The following RPL7 variants were observed in gnomAD, a reference collection of about 807,000 sequenced individuals.
The protein encoded by RPL7 is ribosomal protein L7.
For missense variants in RPL7, 205 were observed against 301.9 expected (o/e 0.68, Z 2.38); for synonymous variants, 100 against 102.2 (o/e 0.98, Z 0.13).
At chr8:73,293,545 G>A (rs1814165318) in intron 1 of RPL7, 54 bp downstream of exon 1, 17 of 1,607,122 alleles carry the variant, frequency 1.1e-5, no homozygotes, top group African/African-American at 2.7e-5. Flanking sequence ...GACACAAAAA[G>A]TATCTGGCTC....
At chr8:73,293,175 A>G (rs1209066088) in intron 1 of RPL7, 1 of 229,420 alleles carries the variant, frequency 4.4e-6, no homozygotes, top group Admixed American at 5.4e-5. Flanking sequence ...CGCAAAAATT[A>G]AAAAATAAAA....
intron 5 of RPL7, 65 bp downstream of exon 5, chr8:73,291,487 G>T: frequency 8.5e-7 from 1 of 1,174,716 alleles, no homozygotes; most frequent in South Asian, 1.4e-5. Flanking sequence ...AGAAATGTAC[G>T]GCCACAAGAG....
At chr8:73,291,966 A>C in intron 3 of RPL7, 56 bp from the exon 4 acceptor site, 1 of 1,592,090 alleles carries the variant, frequency 6.3e-7, no homozygotes, top group South Asian at 1.1e-5. Context: ...TTTTATTAAT[A>C]CTAACCATTA....
chr8:73,292,788 C>T lies in RPL7; in HGVS notation c.24G>A (p.Lys8=), dbSNP rs1167272619. The change falls in exon 2 of 7, where the codon AAG becomes AAA. Residue 8 remains lysine (K), a synonymous_variant. Transcript: ENST00000352983. MEGVEEK[K]KEVPAVPETL... ...TTTCTGGCACAGCAGGAACCTCCTT[C>T]TTCTTCTCTCTAACGTTAATAAACA... 2 of 1,607,456 alleles carry T rather than the reference C, an allele frequency of 1.2e-6. No individual in the cohort carries two copies. Among genetic ancestry groups the T allele is most frequent in the Admixed American group, 1.7e-5 (1 of 58,540 alleles).
intron 3 of RPL7, 133 bp from the exon 4 acceptor site, chr8:73,292,043 T>G (rs917231483): frequency 2.5e-5 from 33 of 1,295,696 alleles, no homozygotes; most frequent in Non-Finnish European, 3.6e-5. Flanking sequence ...TGAATTTCTG[T>G]ATTCTATTAA....
rs780374683 is a variant in RPL7 at position 73,291,754 on chromosome 8, A to G, written c.428+19T>C. ...TAACCAATTTATCAAATAGAAATCA[A>G]AGGAGAAAAGAGACTTACCCCCATG... On this transcript the variant is annotated intron_variant, in intron 4 of 6. Transcript: ENST00000352983. 6.3e-7 allele frequency: 1 copy of G among 1,595,754 alleles called. No homozygotes were observed. Among genetic ancestry groups the G allele is most frequent in the South Asian group, 1.1e-5 (1 of 90,358 alleles).
Position 73,292,303 on chromosome 8 carries a change from T to C in RPL7, c.226A>G (p.Arg76Gly). ...RTEIRMARMA[R>G]KAGNFYVPAE... ...GGTACATAGAAGTTGCCAGCTTTTC[T>C]TGCCATCCTCGCCATTCGAATTTCA... is the stretch of plus-strand genomic sequence containing the variant. Residue 76 changes from arginine to glycine, a missense_variant, in exon 3 of 7, where the codon AGA (arginine) becomes GGA (glycine). By Grantham distance (125) the Arg-to-Gly change is moderately radical (BLOSUM62 -2). Coordinates refer to ENST00000352983, the MANE Select transcript of RPL7 (RefSeq NM_000971.4). 6.2e-7 allele frequency: 1 copy of C among 1,612,180 alleles called. No homozygotes were observed. The highest frequency in any genetic ancestry group is 1.3e-5 in the African/African-American group (1 of 75,006).
Position 73,293,621 on chromosome 8 carries a change from C to T in RPL7, c.-9G>A. ...CACTCTACACCCTCCATGGTTCCAG[C>T]CGGAAAAAGAGGAAGTTGGCGCATG... On this transcript the variant is annotated 5_prime_UTR_variant, in exon 1 of 7. Transcript: ENST00000352983. The T allele has an allele frequency of 3.7e-6, 6 of 1,613,580 alleles. No homozygotes were observed. Among genetic ancestry groups the T allele is most frequent in the Non-Finnish European group, 5.1e-6 (6 of 1,179,754 alleles).
rs1814070162 is a variant in RPL7, at chr8:73,290,420, A to C, written c.*287T>G. On this transcript the variant is annotated 3_prime_UTR_variant, in exon 7 of 7. Transcript: ENST00000352983. ...CTTTCTTAGAATAAACCCATTTCGA[A>C]TCACTCAGCACAGTTAAAAAACAAA... The C allele has an allele frequency of 6.6e-6, 1 of 152,238 alleles. No homozygotes were observed. Among genetic ancestry groups the C allele is most frequent in the African/African-American group, 2.4e-5 (1 of 41,460 alleles). The allele number at this position is 152,238 out of a possible 1,614,324, so 9.4% of individuals were successfully genotyped here. A position where few individuals can be genotyped will look rare whatever the true frequency, so the allele number is the denominator to read the frequency against.
chr8:73,291,246 T>C lies in RPL7; in HGVS notation c.545A>G (p.Tyr182Cys). 4 of 1,606,424 alleles carry C rather than the reference T, an allele frequency of 2.5e-6. No homozygotes were observed. Among genetic ancestry groups the C allele is most frequent in the Non-Finnish European group, 3.4e-6 (4 of 1,176,070 alleles). Residue 182 changes from tyrosine (Y) to cysteine (C), a missense_variant, in exon 6 of 7, where the codon TAC (tyrosine) becomes TGC (cysteine). Tyr to Cys is a radical substitution (Grantham distance 194). Coordinates refer to ENST00000352983, the MANE Select transcript of RPL7 (RefSeq NM_000971.4). ...CAAATCCTCCATGCAGATGATGCCG[T>C]ATTTACCTAAATATTTTAAGGTTAT... is the stretch of plus-strand genomic sequence containing the variant. ...NALIARSLGK[Y>C]GIICMEDLIH...
intron 3 of RPL7, 47 bp downstream of exon 3, chr8:73,292,188 GTTTT>G: frequency 3.9e-6 from 5 of 1,283,490 alleles, no homozygotes; most frequent in Non-Finnish European, 5.4e-6. Context: ...TAATGTGAAG[GTTTT>G]TTTTTTTTTT....
chr8:73,293,636 G>C (rs752800101), upstream of RPL7: 16 of 1,613,380 alleles, frequency 9.9e-6, no homozygotes, highest in Middle Eastern at 3.3e-4. Context: ...AAAAGAGGAA[G>C]TTGGCGCATG....
In RPL7 at chr8:73,291,129, T is replaced by A; in HGVS notation, c.662A>T (p.Lys221Met). The A allele has an allele frequency of 1.2e-6, 2 of 1,608,406 alleles. No homozygotes were observed. Among genetic ancestry groups the A allele is most frequent in the Non-Finnish European group, 1.7e-6 (2 of 1,175,496 alleles). ...TTCTACAAAATGGGTGGTCTTTTTC[T>A]TCATTCCACCTCGTGGAGAAGACAA... The part of the protein sequence containing the change: ...FKLSSPRGGM[K>M]KKTTHFVEGG... The change falls in exon 6 of 7, where the codon AAG (lysine) becomes ATG (methionine). Residue 221 changes from lysine (K) to methionine (M), a missense_variant. Transcript: ENST00000352983.
In RPL7 at chr8:73,291,927, C is replaced by A. The variant is rs1814106887; in HGVS notation, c.291-17G>T. 6.2e-7 allele frequency: 1 copy of A among 1,604,670 alleles called. No homozygotes were observed. Among genetic ancestry groups the A allele is most frequent in the Non-Finnish European group, 8.5e-7 (1 of 1,172,266 alleles). On this transcript the variant is annotated splice_polypyrimidine_tract_variant and intron_variant, in intron 3 of 6. Transcript: ENST00000352983. ...CCATTGATACTGTGGTGAAAACGGACCAGAAATGCATTTGCCTTTCATCGA... is the reference window on the plus strand; with the variant it reads ...CCATTGATACTGTGGTGAAAACGGAACAGAAATGCATTTGCCTTTCATCGA...
intron 1 of RPL7, chr8:73,293,215 G>C (rs1814150180): frequency 4.1e-6 from 1 of 243,496 alleles, no homozygotes; most frequent in African/African-American, 2.3e-5. Context: ...CCACCACTCT[G>C]GTTCAATCAG....
intron 5 of RPL7, 62 bp downstream of exon 5, chr8:73,291,490 C>T: frequency 8.1e-7 from 1 of 1,228,010 alleles, no homozygotes. Flanking sequence ...AATGTACGGC[C>T]ACAAGAGGGT....
intron 3 of RPL7, 141 bp from the exon 4 acceptor site, chr8:73,292,051 T>C: frequency 1.6e-6 from 2 of 1,264,082 alleles, no homozygotes; most frequent in East Asian, 4.7e-5. Flanking sequence ...TGTATTCTAT[T>C]AAGAGAAGGG....
At chr8:73,291,277 A>T (rs1477636938) in intron 5 of RPL7, 25 bp from the exon 6 acceptor site, 25 of 1,565,924 alleles carry the variant, frequency 1.6e-5, no homozygotes, top group Non-Finnish European at 2.2e-5. Flanking sequence ...GTTATTTAAG[A>T]TTATTAAAGT....
intron 1 of RPL7, chr8:73,293,075 AAAAAAAAAC>A (rs1225053350): frequency 9.1e-6 from 3 of 328,736 alleles, no homozygotes; most frequent in Admixed American, 9.0e-5. Context: ...GACTAATTAA[AAAAAAAAAC>A]AAAAAAAACA....
Sources: gnomAD v4.1 joint callset for allele counts on GRCh38, gnomAD v4.1.1 for gene constraint, MANE v1.5 for transcripts, NCBI Gene and HGNC (gene_info 2026-07-23, HGNC 2026-07-21) for gene names.